Variants in ITPR1 observed in about 807,000 individuals in gnomAD.
ITPR1 encodes inositol 1,4,5-trisphosphate-gated calcium channel ITPR1.
A neutral mutation model predicts 318.4 loss-of-function variants in ITPR1; 96 were observed. The ratio of observed to expected loss-of-function variants is 0.30; its 90% CI spans 0.26 to 0.36. The LOEUF (loss-of-function observed/expected upper bound fraction) is 0.36, where lower values mean the gene tolerates loss of function less well. Among genes scored for constraint, ITPR1 ranks in the 10% least tolerant of loss-of-function variants. The probability of loss-of-function intolerance (pLI) is 1.00; values close to 1 mark genes in which losing one functional copy is unlikely to be tolerated. For missense variants in ITPR1, 2,440 were observed against 3,460.2 expected, an observed-to-expected ratio of 0.71 and a Z score of 7.40; for synonymous variants, 1,312 against 1,289.9, an observed-to-expected ratio of 1.02 and a Z score of -0.37.
chr3:4,734,793 TAAG>T (rs1216211777), intron 43 of ITPR1, among the ~76,000 whole-genome samples: 3 of 152,272 alleles, frequency 2.0e-5, no homozygotes, highest in Non-Finnish European at 4.4e-5. Flanking sequence ...GAGAGTGTTC[TAAG>T]AAGTGTTTGA....
chr3:4,820,006 A>G (rs753466596), intron 60 of ITPR1, among the ~76,000 whole-genome samples: 1 of 152,192 alleles, frequency 6.6e-6, no homozygotes, highest in Non-Finnish European at 1.5e-5. Context: ...TGTCGTTGAT[A>G]GGAAACCGGG....
intron 44 of ITPR1, 37 bp from the exon 45 acceptor site, chr3:4,766,493 G>C: frequency 6.3e-7 from 1 of 1,592,500 alleles, no homozygotes; most frequent in Non-Finnish European, 8.6e-7. Flanking sequence ...TTTCTGGTCA[G>C]TTACAGTGTT....
chr3:4,701,376 A>T (rs1574927412), intron 35 of ITPR1, among the ~76,000 whole-genome samples: 1 of 152,200 alleles, frequency 6.6e-6, no homozygotes. Flanking sequence ...TGCTGGGGGT[A>T]AATGACCGTT....
chr3:4,559,324 T>C (rs560254719), intron 4 of ITPR1, among the ~76,000 whole-genome samples: 1 of 152,318 alleles, frequency 6.6e-6, no homozygotes, highest in East Asian at 1.9e-4. Context: ...TAATATTTGA[T>C]GTTAAAAATG....
chr3:4,650,030 G>A (rs2093557715), intron 10 of ITPR1, among the ~76,000 whole-genome samples: 1 of 152,166 alleles, frequency 6.6e-6, no homozygotes, highest in African/African-American at 2.4e-5. Flanking sequence ...TGTTGAAAGT[G>A]TATTCATATT....
At position 4,509,695 on chromosome 3, in the gene ITPR1, G is replaced by A. The variant is rs551712429; in HGVS notation, c.-16-6781G>A. Among the ~76,000 whole-genome samples, 20 of 152,300 alleles carry A rather than the reference G, an allele frequency of 1.3e-4. 1 individual carries two copies. The highest frequency in any genetic ancestry group is 4.3e-4 in the African/African-American group (18 of 41,556). On this transcript the variant is annotated intron_variant, in intron 2 of 61. Coordinates refer to ENST00000649015, the MANE Select transcript of ITPR1 (RefSeq NM_001378452.1). ...ACCGGTAGTTCTAGCTACTCAGGAGGCTGAGGTGGGAGGATCACTTGAGCC... is the reference window on the plus strand; with the variant it reads ...ACCGGTAGTTCTAGCTACTCAGGAGACTGAGGTGGGAGGATCACTTGAGCC...
rs2089127975 is a variant in ITPR1, at chr3:4,579,944, C to T, written c.164-47819C>T. 3.3e-5 allele frequency among the ~76,000 whole-genome samples: 5 copies of T among 152,190 alleles called. No homozygotes were observed. The South Asian group carries it at 1.0e-3, about 31-fold the overall frequency. ...AACCTTTATTAGCCAGGTGCGGTGGCTCACGCCTGTAATCCCAGCACTTTG... is the reference window on the plus strand; with the variant it reads ...AACCTTTATTAGCCAGGTGCGGTGGTTCACGCCTGTAATCCCAGCACTTTG... On this transcript the variant is annotated intron_variant, in intron 4 of 61. Transcript: ENST00000649015.
intron 60 of ITPR1, among the ~76,000 whole-genome samples, chr3:4,836,043 T>C (rs1013958420): frequency 2.0e-5 from 3 of 152,302 alleles, no homozygotes; most frequent in Admixed American, 6.5e-5. Flanking sequence ...TTTCAGCCTC[T>C]TAATGATCTC....
intron 2 of ITPR1, among the ~76,000 whole-genome samples, chr3:4,500,744 G>T (rs2080957901): frequency 6.6e-6 from 1 of 152,088 alleles, no homozygotes; most frequent in South Asian, 2.1e-4. Context: ...AGACATCATT[G>T]TTCTCCCCAG....
chr3:4,674,276 A>G lies in ITPR1; in HGVS notation c.2531A>G (p.Tyr844Cys). The G allele has an allele frequency of 6.3e-7, 1 of 1,593,800 alleles. No individual in the cohort carries two copies. Among genetic ancestry groups the G allele is most frequent in the Non-Finnish European group, 8.6e-7 (1 of 1,168,562 alleles). ...FAQTMEFVEE[Y>C]LRDVVCQRFP... is the part of the protein sequence containing the mutation. ...CAGACCATGGAGTTTGTGGAGGAGT[A>G]TTTAAGAGATGTGGTTTGTCAGAGG... The change falls in exon 22 of 62, where the codon TAT becomes TGT. Residue 844 changes from tyrosine to cysteine, a missense_variant. By Grantham distance (194) the Tyr-to-Cys change is radical (BLOSUM62 -2). Transcript: ENST00000649015.
rs949938763 is a variant in ITPR1 at position 4,733,137 on chromosome 3, G to C, written c.5270G>C (p.Arg1757Thr). ...GTCAACCGTTACTATGGAAACGTCAGACCTTCGGGACGAAGAGAGAGCCTT... is the reference window on the plus strand; with the variant it reads ...GTCAACCGTTACTATGGAAACGTCACACCTTCGGGACGAAGAGAGAGCCTT... Reference protein sequence around the residue: ...VLVNRYYGNVRPSGRRESLTS... With the variant: ...VLVNRYYGNVTPSGRRESLTS... The change falls in exon 43 of 62, where the codon AGA becomes ACA. Residue 1757 changes from arginine (R) to threonine (T), a missense_variant. Physicochemically the swap from Arg to Thr is moderately conservative, Grantham distance 71. Around this residue, in one of 23 missense-constraint regions of ITPR1, gnomAD observed 166 missense variants for 143.7 expected, o/e 1.16. Transcript: ENST00000649015. The C allele has an allele frequency of 6.2e-6, 10 of 1,613,802 alleles. No homozygotes were observed. In the Admixed American group the frequency reaches 1.3e-4, roughly 22 times the overall value.
chr3:4,662,724 AAATAAT>A (rs772615299), intron 15 of ITPR1, among the ~76,000 whole-genome samples: 2 of 152,144 alleles, frequency 1.3e-5, no homozygotes, highest in African/African-American at 2.4e-5. Flanking sequence ...CTCCATCTCA[AAATAAT>A]AATAATAATC....
At chr3:4,758,247 A>C (rs2045159427) in intron 44 of ITPR1, among the ~76,000 whole-genome samples, 1 of 152,162 alleles carries the variant, frequency 6.6e-6, no homozygotes, top group Non-Finnish European at 1.5e-5. Flanking sequence ...AGGGCTTCTG[A>C]AAGGTGGACC....
At chr3:4,728,302 G>A (rs575642817) in intron 42 of ITPR1, among the ~76,000 whole-genome samples, 1 of 152,210 alleles carries the variant, frequency 6.6e-6, no homozygotes, top group Admixed American at 6.5e-5. Context: ...AGATGTCCTG[G>A]TGACACAGGC....
chr3:4,760,167 C>G (rs113604533), intron 44 of ITPR1, among the ~76,000 whole-genome samples: 1 of 152,264 alleles, frequency 6.6e-6, no homozygotes, highest in Non-Finnish European at 1.5e-5. Flanking sequence ...AACCCCAGCT[C>G]TCTCATCTAT....
At chr3:4,607,414 G>A (rs1172946570) in intron 4 of ITPR1, among the ~76,000 whole-genome samples, 1 of 152,122 alleles carries the variant, frequency 6.6e-6, no homozygotes, top group East Asian at 1.9e-4. Flanking sequence ...CCTAGGCCAC[G>A]CTTCCACCCA....
At chr3:4,569,330 A>AT (rs1001952457) in intron 4 of ITPR1, among the ~76,000 whole-genome samples, 10 of 152,248 alleles carry the variant, frequency 6.6e-5, no homozygotes, top group African/African-American at 2.4e-4. Context: ...ATAAAATTTG[A>AT]TTTTTAAAAC....
chr3:4,814,968 A>G, intron 58 of ITPR1, 85 bp from the exon 59 acceptor site: 1 of 1,075,910 alleles, frequency 9.3e-7, no homozygotes, highest in Non-Finnish European at 1.4e-6. Context: ...CAAGTAGATG[A>G]GGTCTCACTT....
intron 12 of ITPR1, among the ~76,000 whole-genome samples, chr3:4,655,004 A>G (rs1202065362): frequency 6.6e-6 from 1 of 152,100 alleles, no homozygotes; most frequent in African/African-American, 2.4e-5. Flanking sequence ...CCATTTTGAA[A>G]GCTTTGCTTC....
Sources: allele counts gnomAD v4.1 joint callset (sites outside exome capture counted in the v4.1 genomes callset), GRCh38; gene constraint gnomAD v4.1.1; regional missense constraint gnomAD v4.1.1; transcripts MANE v1.5; gene names NCBI Gene and HGNC (gene_info 2026-07-23, HGNC 2026-07-21).